CEACAM1: variants seen among roughly 807,000 people sequenced by gnomAD.
The protein encoded by CEACAM1 is CEA cell adhesion molecule 1.
A neutral mutation model predicts 49.1 loss-of-function variants in CEACAM1; 31 were observed. The observed-to-expected ratio is 0.63, with a 90% CI of 0.47 to 0.85. The LOEUF (loss-of-function observed/expected upper bound fraction) is 0.85, where lower values mean the gene tolerates loss of function less well. Ranked by LOEUF, CEACAM1 falls within the 40% of genes least tolerant of loss-of-function variation. CEACAM1 has a pLI of 0.00. For missense variants in CEACAM1, 570 were observed against 645.3 expected (o/e 0.88, Z 1.26); for synonymous variants, 244 against 247.8 (o/e 0.98, Z 0.14).
At position 42,508,377 on chromosome 19, in the gene CEACAM1, A is replaced by G. The variant is rs1360008959; in HGVS notation, c.*732T>C. 1 of 152,334 alleles carries G rather than the reference A, an allele frequency of 6.6e-6. No individual in the cohort carries two copies. Among genetic ancestry groups the G allele is most frequent in the African/African-American group, 2.4e-5 (1 of 41,450 alleles). 9.4% of individuals were successfully genotyped at this position (152,334 alleles called of 1,614,324 possible). On this transcript the variant is annotated 3_prime_UTR_variant, in exon 9 of 9. Transcript: ENST00000161559. ...ACTGCCTTGAACAGAGCCCATAAAG[A>G]TATTAAAACATATATGTGCTTTTGC... is the stretch of plus-strand genomic sequence containing the variant.
Position 42,519,124 on chromosome 19 carries a change from A to G in CEACAM1, c.1070T>C (p.Ile357Thr). ...ACTCTGGTTTTTGAAGAACCAACGG[A>G]TGGAGATTCCAGTGTCATTTGTGGA... Reference protein sequence around the residue: ...TCSTNDTGISIRWFFKNQSLP... With the variant: ...TCSTNDTGISTRWFFKNQSLP... Residue 357 changes from isoleucine to threonine, a missense_variant, in exon 5 of 9, where the codon ATC becomes ACC. Ile to Thr is a moderately conservative substitution (Grantham distance 89). Coordinates refer to ENST00000161559, the MANE Select transcript of CEACAM1 (RefSeq NM_001712.5). 3 of 1,614,186 alleles carry G rather than the reference A, an allele frequency of 1.9e-6. No individual in the cohort carries two copies. Among genetic ancestry groups the G allele is most frequent in the Admixed American group, 1.7e-5 (1 of 60,028 alleles).
At chr19:42,516,323 A>G (rs924388795) in intron 5 of CEACAM1, among the ~76,000 whole-genome samples, 24 of 152,230 alleles carry the variant, frequency 1.6e-4, no homozygotes, top group African/African-American at 5.8e-4. Flanking sequence ...AAGTGGCAGG[A>G]TACAAAATCC....
intron 4 of CEACAM1, chr19:42,520,920 A>C (rs991951597): frequency 7.5e-6 from 2 of 266,436 alleles, no homozygotes; most frequent in African/African-American, 4.3e-5. Flanking sequence ...AGGTAAAAGA[A>C]GGCCAAGAAG....
intron 8 of CEACAM1, among the ~76,000 whole-genome samples, chr19:42,509,695 C>T (rs562242961): frequency 2.4e-4 from 36 of 151,162 alleles, no homozygotes; most frequent in South Asian, 1.5e-3. Flanking sequence ...GGCACGATCT[C>T]GGCTCACTGC....
At chr19:42,514,645 C>T (rs578222427) in intron 5 of CEACAM1, among the ~76,000 whole-genome samples, 2 of 152,300 alleles carry the variant, frequency 1.3e-5, no homozygotes, top group South Asian at 4.1e-4. Flanking sequence ...AGGCTGGTGA[C>T]TAATGCTATG....
intron 8 of CEACAM1, among the ~76,000 whole-genome samples, chr19:42,510,291 T>G (rs1446066375): frequency 6.6e-6 from 1 of 151,986 alleles, no homozygotes; most frequent in Non-Finnish European, 1.5e-5. Flanking sequence ...TTTCACCATG[T>G]TAGCCAGAAT....
intron 5 of CEACAM1, among the ~76,000 whole-genome samples, chr19:42,514,739 T>G (rs960567034): frequency 2.6e-5 from 4 of 152,186 alleles, no homozygotes; most frequent in African/African-American, 9.7e-5. Context: ...ATCCATAAAA[T>G]AGTGCTGTCA....
rs544173054 is a variant in CEACAM1 at position 42,507,799 on chromosome 19, A to G, written c.*1310T>C. On this transcript the variant is annotated 3_prime_UTR_variant, in exon 9 of 9. Coordinates refer to ENST00000161559, the MANE Select transcript of CEACAM1 (RefSeq NM_001712.5). ...TCTAGCTGTAAACAATGCCACCAGC[A>G]TGAGTGATAGTGTCCCTGTAGGGTG... 4.0e-5 allele frequency: 6 copies of G among 151,242 alleles called. No individual in the cohort carries two copies. The highest frequency in any genetic ancestry group is 3.9e-4 in the Admixed American group (6 of 15,256). 9.4% of individuals were successfully genotyped at this position (151,242 alleles called of 1,614,324 possible).
At position 42,528,278 on chromosome 19, in the gene CEACAM1, T is replaced by C. The variant is rs377083795; in HGVS notation, c.64+33A>G. 1.1e-5 allele frequency: 18 copies of C among 1,603,834 alleles called. No homozygotes were observed. In the African/African-American group the frequency reaches 2.4e-4, roughly 21 times the overall value. On this transcript the variant is annotated intron_variant, in intron 1 of 8. Coordinates refer to ENST00000161559, the MANE Select transcript of CEACAM1 (RefSeq NM_001712.5). ...CCCTAGCCATTCTCTGTGCGCCCTC[T>C]TTCCGCCCCTTCCCAGGGTGTCCTC...
In CEACAM1 at chr19:42,521,541, G is replaced by A. The variant is rs752183439; in HGVS notation, c.704-20C>T. On this transcript the variant is annotated intron_variant, in intron 3 of 8. Coordinates refer to ENST00000161559, the MANE Select transcript of CEACAM1 (RefSeq NM_001712.5). ...GGCCATCTGGAGCAAAGAGAATAAA[G>A]CCACAGGTGATGTCATCAGAGGGAA... 1.9e-6 allele frequency: 3 copies of A among 1,609,076 alleles called. No homozygotes were observed. In the South Asian group the frequency reaches 3.3e-5, roughly 18 times the overall value.
chr19:42,512,329 C>A (rs2041478339), intron 6 of CEACAM1, 21 bp downstream of exon 6: 9 of 1,613,652 alleles, frequency 5.6e-6, no homozygotes, highest in Non-Finnish European at 7.6e-6. Context: ...GGAAACAGAA[C>A]AAGAGGAAAG....
In CEACAM1 at chr19:42,509,075, T is replaced by C; in HGVS notation, c.*34A>G. 1 of 1,613,174 alleles carries C rather than the reference T, an allele frequency of 6.2e-7. No homozygotes were observed. Among genetic ancestry groups the C allele is most frequent in the Non-Finnish European group, 8.5e-7 (1 of 1,179,322 alleles). On this transcript the variant is annotated 3_prime_UTR_variant, in exon 9 of 9. Transcript: ENST00000161559. The stretch of plus-strand genomic sequence containing the variant: ...AGTGATGAGGGTGAGAGACTTGAAA[T>C]ACATCAGCACTGCAGTGAGCAGGAC...
In CEACAM1 at chr19:42,524,943, C is replaced by T. The variant is rs2041853248; in HGVS notation, c.424+2098G>A. On this transcript the variant is annotated intron_variant, in intron 2 of 8. Coordinates refer to ENST00000161559, the MANE Select transcript of CEACAM1 (RefSeq NM_001712.5). Reference sequence around the variant, plus strand: ...CAGGGGATGGAACATGGGTCTCAGTCTCTGGAGGGATGGGGAGCAGGTATG... The same window carrying T: ...CAGGGGATGGAACATGGGTCTCAGTTTCTGGAGGGATGGGGAGCAGGTATG... Among the ~76,000 whole-genome samples the T allele has an allele frequency of 2.0e-5, 3 of 152,124 alleles. No individual in the cohort carries two copies. In the South Asian group the frequency reaches 6.2e-4, roughly 31 times the overall value.
At chr19:42,519,436 G>A in intron 4 of CEACAM1, 1 of 581,864 alleles carries the variant, frequency 1.7e-6, no homozygotes, top group Non-Finnish European at 3.1e-6. Flanking sequence ...TGTAAGGAGA[G>A]GGCTGCACCT....
intron 2 of CEACAM1, among the ~76,000 whole-genome samples, chr19:42,522,426 C>T (rs2041777150): frequency 6.6e-6 from 1 of 152,144 alleles, no homozygotes; most frequent in South Asian, 2.1e-4. Flanking sequence ...AGGCACATGC[C>T]ACCATGCCTG....
chr19:42,519,714 CATGT>C, intron 4 of CEACAM1, among the ~76,000 whole-genome samples: 1 of 152,054 alleles, frequency 6.6e-6, no homozygotes, highest in Admixed American at 6.6e-5. Flanking sequence ...GGACTAAAGG[CATGT>C]GCCACCATGC....
intron 5 of CEACAM1, 93 bp from the exon 6 acceptor site, chr19:42,512,572 T>C (rs958545498): frequency 7.9e-7 from 1 of 1,272,200 alleles, no homozygotes; most frequent in East Asian, 2.4e-5. Flanking sequence ...TAGTTTCTAA[T>C]TGTTCCTTCA....
chr19:42,514,577 C>T (rs141496994), intron 5 of CEACAM1, among the ~76,000 whole-genome samples: 206 of 152,316 alleles, frequency 1.4e-3, no homozygotes, highest in African/African-American at 4.4e-3. Flanking sequence ...TGTGTCTAGC[C>T]TATTTCTTGT....
At chr19:42,519,327 C>T in intron 4 of CEACAM1, 92 bp from the exon 5 acceptor site, 1 of 1,326,636 alleles carries the variant, frequency 7.5e-7, no homozygotes, top group Non-Finnish European at 1.1e-6. Flanking sequence ...AGATTTTAGC[C>T]AGCTCTCAGG....
Sources: allele counts gnomAD v4.1 joint callset (sites outside exome capture counted in the v4.1 genomes callset), GRCh38; gene constraint gnomAD v4.1.1; transcripts MANE v1.5; gene names NCBI Gene and HGNC (gene_info 2026-07-23, HGNC 2026-07-21).